The following EDA variants were observed in gnomAD, a reference collection of about 807,000 sequenced individuals.
EDA encodes ectodysplasin A.
A neutral mutation model predicts 23.6 loss-of-function variants in EDA; 2 were observed. The ratio of observed to expected loss-of-function variants is 0.08; its 90% CI spans 0.03 to 0.27. The LOEUF is 0.27. EDA is among the 10% of genes least tolerant of loss of function. EDA has a pLI of 1.00. For synonymous variants in EDA, 131 were observed against 132.0 expected (o/e 0.99, Z 0.05); for missense variants, 229 against 324.2 (o/e 0.71, Z 2.26).
At chrX:69,730,274 C>T (rs898271573) in intron 1 of EDA, among the ~76,000 whole-genome samples, 1 of 111,653 alleles carries the variant, frequency 9.0e-6, no homozygotes, top group African/African-American at 3.3e-5. Flanking sequence ...ATTAGGTGCT[C>T]AATATTTCTG....
intron 6 of EDA, among the ~76,000 whole-genome samples, chrX:70,032,295 G>T (rs1420322256): frequency 9.2e-6 from 1 of 109,196 alleles, no homozygotes; most frequent in East Asian, 2.9e-4. Context: ...GAAGTGATGG[G>T]GTCAGGGGTT....
intron 1 of EDA, 31 bp downstream of exon 1, chrX:69,616,735 C>T (rs755322534): frequency 8.3e-7 from 1 of 1,208,962 alleles, no homozygotes; most frequent in Non-Finnish European, 1.1e-6. Flanking sequence ...GGCGGCGGCC[C>T]CCTCCCCTCG....
chrX:69,786,227 C>T (rs2015166766), intron 1 of EDA, among the ~76,000 whole-genome samples: 1 of 110,992 alleles, frequency 9.0e-6, no homozygotes, highest in Non-Finnish European at 1.9e-5. Flanking sequence ...TTTGTTGATC[C>T]TTTCAAAAAC....
intron 1 of EDA, among the ~76,000 whole-genome samples, chrX:69,654,676 T>G: frequency 9.2e-6 from 1 of 109,081 alleles, no homozygotes; most frequent in Non-Finnish European, 1.9e-5. Context: ...AAACCATCAT[T>G]CTCAGCAAAC....
rs186394180 is a variant in EDA, at chrX:69,625,695, G to T, written c.396+8991G>T. On this transcript the variant is annotated intron_variant, in intron 1 of 7. Transcript: ENST00000374552. ...AAAATGAACTCAAAATGGATCATAG[G>T]CTTAAATGTAAGTACCAAAACAATA... Among the ~76,000 whole-genome samples the T allele has an allele frequency of 2.7e-5, 3 of 110,924 alleles. No homozygotes were observed. The Admixed American group carries it at 2.9e-4, about 11-fold the overall frequency.
chrX:69,957,337 C>CA (rs1035093979), intron 2 of EDA: 17 of 387,666 alleles, frequency 4.4e-5, no homozygotes, highest in Middle Eastern at 7.5e-4. Flanking sequence ...ACTAAAAATA[C>CA]AAAAAAAATT....
rs758795246 is a variant in EDA at position 69,758,801 on chromosome X, A to G, written c.396+142097A>G. ...CGGTGAGCCGAGATCGCACCAGTGC[A>G]CTCCAGCTTGAGCAACAAGAGTGAA... On this transcript the variant is annotated intron_variant, in intron 1 of 7. Transcript: ENST00000374552. Among the ~76,000 whole-genome samples, 3 of 112,723 alleles carry G rather than the reference A, an allele frequency of 2.7e-5. No homozygotes were observed. In the South Asian group the frequency reaches 1.1e-3, roughly 41 times the overall value.
chrX:69,794,327 T>C (rs1266253985), intron 1 of EDA, among the ~76,000 whole-genome samples: 1 of 112,001 alleles, frequency 8.9e-6, no homozygotes, highest in Non-Finnish European at 1.9e-5. Context: ...TGAAGGGCTT[T>C]AAGTAAGGGA....
intron 1 of EDA, among the ~76,000 whole-genome samples, chrX:69,881,204 T>G (rs2017741251): frequency 1.8e-5 from 2 of 110,670 alleles, no homozygotes; most frequent in Non-Finnish European, 3.8e-5. Flanking sequence ...ATTTTTTTTT[T>G]TAAGGATAGC....
intron 1 of EDA, among the ~76,000 whole-genome samples, chrX:69,789,303 A>G (rs920381670): frequency 4.5e-5 from 5 of 112,272 alleles, no homozygotes; most frequent in Non-Finnish European, 9.4e-5. Context: ...CTATTCGGCC[A>G]TCTTGGCTCC....
intron 1 of EDA, among the ~76,000 whole-genome samples, chrX:69,683,915 C>A (rs184502797): frequency 1.2e-3 from 137 of 112,040 alleles, no homozygotes; most frequent in African/African-American, 4.2e-3. Flanking sequence ...TGTCTTAAAT[C>A]TTGTTTTAAC....
intron 1 of EDA, among the ~76,000 whole-genome samples, chrX:69,722,894 A>G (rs1036985515): frequency 8.9e-6 from 1 of 112,503 alleles, no homozygotes; most frequent in Non-Finnish European, 1.9e-5. Context: ...GGATTAAATG[A>G]AATAATATAC....
chrX:69,871,779 GCTTT>G (rs1454999508), intron 1 of EDA, among the ~76,000 whole-genome samples: 1 of 112,198 alleles, frequency 8.9e-6, no homozygotes, highest in African/African-American at 3.2e-5. Flanking sequence ...AGAATAACTG[GCTTT>G]CTGAGGAAGA....
intron 1 of EDA, among the ~76,000 whole-genome samples, chrX:69,906,309 ACATTTG>A (rs2018176456): frequency 8.9e-6 from 1 of 112,582 alleles, no homozygotes; most frequent in Non-Finnish European, 1.9e-5. Flanking sequence ...ACACAAAGTT[ACATTTG>A]CATAATAAGG....
chrX:69,836,244 T>C (rs2016770958), intron 1 of EDA, among the ~76,000 whole-genome samples: 1 of 112,506 alleles, frequency 8.9e-6, no homozygotes, highest in African/African-American at 3.2e-5. Flanking sequence ...AACGTCGTGC[T>C]GAGAGAACCA....
chrX:69,862,982 C>T (rs773687631), intron 1 of EDA, among the ~76,000 whole-genome samples: 1 of 108,546 alleles, frequency 9.2e-6, no homozygotes, highest in African/African-American at 3.4e-5. Flanking sequence ...CAGATCCCCT[C>T]ACTCTAACAC....
At chrX:69,637,049 C>T (rs1932785303) in intron 1 of EDA, among the ~76,000 whole-genome samples, 1 of 111,582 alleles carries the variant, frequency 9.0e-6, no homozygotes, top group African/African-American at 3.3e-5. Flanking sequence ...AGGCCCTCTG[C>T]CTTCAAGCAA....
chrX:69,851,494 G>A (rs2017133772), intron 1 of EDA, among the ~76,000 whole-genome samples: 1 of 112,267 alleles, frequency 8.9e-6, no homozygotes, highest in East Asian at 2.8e-4. Flanking sequence ...TCACCTATGT[G>A]TGCATCTGTT....
At chrX:69,664,717 G>T (rs1183298336) in intron 1 of EDA, among the ~76,000 whole-genome samples, 1 of 110,674 alleles carries the variant, frequency 9.0e-6, no homozygotes, top group Middle Eastern at 4.7e-3. Context: ...TTATCCATTT[G>T]TCCATTGATG....
Sources: gnomAD v4.1 joint callset for allele counts (sites outside exome capture counted in the v4.1 genomes callset) on GRCh38, gnomAD v4.1.1 for gene constraint, MANE v1.5 for transcripts, NCBI Gene and HGNC (gene_info 2026-07-23, HGNC 2026-07-21) for gene names.